The following PCDH9 variants were observed in gnomAD, a reference collection of about 807,000 sequenced individuals.
PCDH9 encodes protocadherin-9.
A neutral mutation model predicts 70.6 loss-of-function variants in PCDH9; 24 were observed. That is an observed-to-expected ratio of 0.34 (90% confidence interval 0.25 to 0.48). PCDH9 has a LOEUF of 0.48. Among genes scored for constraint, PCDH9 ranks in the 20% least tolerant of loss-of-function variants. The probability of loss-of-function intolerance (pLI) is 0.99; values close to 1 mark genes in which losing one functional copy is unlikely to be tolerated. For missense variants in PCDH9, 1,281 were observed against 1,503.6 expected, an observed-to-expected ratio of 0.85 and a Z score of 2.45; for synonymous variants, 562 against 558.5, an observed-to-expected ratio of 1.01 and a Z score of -0.09.
intron 3 of PCDH9, among the ~76,000 whole-genome samples, chr13:66,773,578 C>G (rs980110341): frequency 2.7e-5 from 4 of 149,066 alleles, no homozygotes; most frequent in Non-Finnish European, 5.9e-5. Context: ...TGCAGTGAGC[C>G]GAGATTGCGC....
At chr13:66,533,064 G>A (rs1330019799) in intron 4 of PCDH9, among the ~76,000 whole-genome samples, 1 of 152,134 alleles carries the variant, frequency 6.6e-6, no homozygotes, top group Non-Finnish European at 1.5e-5. Context: ...CCCACACTGG[G>A]TGGAACTCCG....
At chr13:66,896,782 G>A (rs537677816) in intron 3 of PCDH9, among the ~76,000 whole-genome samples, 3 of 152,178 alleles carry the variant, frequency 2.0e-5, no homozygotes, top group East Asian at 3.9e-4. Flanking sequence ...GTCTTAGATC[G>A]GAGCCAGGAA....
intron 4 of PCDH9, among the ~76,000 whole-genome samples, chr13:66,384,480 T>G (rs1234738420): frequency 6.6e-6 from 1 of 152,204 alleles, no homozygotes; most frequent in African/African-American, 2.4e-5. Context: ...CATAGTTATT[T>G]TAGCCAACTA....
intron 2 of PCDH9, among the ~76,000 whole-genome samples, chr13:67,183,289 A>C (rs73511403): frequency 0.02 from 2,977 of 152,224 alleles, 96 homozygotes; most frequent in African/African-American, 0.067. Flanking sequence ...AAAAAACACA[A>C]AACTAAGCAT....
chr13:66,889,256 C>T lies in PCDH9; in HGVS notation c.3138+14248G>A, dbSNP rs915733606. Among the ~76,000 whole-genome samples the T allele has an allele frequency of 2.6e-5, 4 of 152,176 alleles. No homozygotes were observed. The South Asian group carries it at 6.2e-4, about 24-fold the overall frequency. ...CCTCTGATCCGAGGCCAAAGCCACA[C>T]GAAGCAGTTATAGAATTTATTGGGT... On this transcript the variant is annotated intron_variant, in intron 3 of 4. Coordinates refer to ENST00000377865, the MANE Select transcript of PCDH9 (RefSeq NM_203487.3).
intron 2 of PCDH9, among the ~76,000 whole-genome samples, chr13:67,022,576 AC>A (rs1218119323): frequency 1.1e-4 from 17 of 152,242 alleles, no homozygotes; most frequent in Admixed American, 1.1e-3. Flanking sequence ...TTTCACAAGT[AC>A]CTGTTTAACT....
At chr13:66,801,527 A>T (rs1198447068) in intron 3 of PCDH9, among the ~76,000 whole-genome samples, 1 of 152,094 alleles carries the variant, frequency 6.6e-6, no homozygotes, top group Admixed American at 6.6e-5. Flanking sequence ...ATATTAATGA[A>T]TTACTCTTTG....
intron 2 of PCDH9, among the ~76,000 whole-genome samples, chr13:66,933,363 T>C (rs1186403825): frequency 1.3e-5 from 2 of 152,250 alleles, no homozygotes; most frequent in East Asian, 3.9e-4. Flanking sequence ...CTGAACAAGG[T>C]AAGTAAATGT....
intron 2 of PCDH9, among the ~76,000 whole-genome samples, chr13:67,078,080 G>C (rs575150142): frequency 1.2e-3 from 182 of 152,090 alleles, no homozygotes; most frequent in Admixed American, 8.4e-3. Context: ...TCCTGCAGAT[G>C]GCTGAGGTGT....
chr13:66,948,837 G>A (rs2083131986), intron 2 of PCDH9, among the ~76,000 whole-genome samples: 1 of 151,960 alleles, frequency 6.6e-6, no homozygotes, highest in African/African-American at 2.4e-5. Context: ...TCCTTAAATT[G>A]TTTTCCATTT....
intron 2 of PCDH9, among the ~76,000 whole-genome samples, chr13:66,904,748 C>T (rs1012770381): frequency 2.0e-5 from 3 of 151,704 alleles, no homozygotes; most frequent in Non-Finnish European, 2.9e-5. Flanking sequence ...ATTGTGTTCA[C>T]TCTATTTTCA....
At chr13:67,043,305 G>A (rs777099228) in intron 2 of PCDH9, among the ~76,000 whole-genome samples, 3 of 152,158 alleles carry the variant, frequency 2.0e-5, no homozygotes, top group Non-Finnish European at 4.4e-5. Context: ...AACAATCCAT[G>A]TAAAGAGTGA....
chr13:66,443,246 TG>T (rs773098166), intron 4 of PCDH9, among the ~76,000 whole-genome samples: 53 of 152,186 alleles, frequency 3.5e-4, no homozygotes, highest in Non-Finnish European at 5.4e-4. Context: ...CATTCATCTC[TG>T]GGACAACAAG....
At chr13:66,584,516 C>T (rs184811082) in intron 4 of PCDH9, among the ~76,000 whole-genome samples, 9 of 152,160 alleles carry the variant, frequency 5.9e-5, no homozygotes, top group Admixed American at 5.9e-4. Context: ...CCGTGCAATC[C>T]TTAAATAAGT....
chr13:66,705,271 A>G (rs1396060248), intron 3 of PCDH9, among the ~76,000 whole-genome samples: 2 of 152,226 alleles, frequency 1.3e-5, no homozygotes, highest in Non-Finnish European at 2.9e-5. Flanking sequence ...TGAAGAACAA[A>G]GGAAAATATG....
chr13:67,044,620 T>C (rs2085187512), intron 2 of PCDH9, among the ~76,000 whole-genome samples: 1 of 152,196 alleles, frequency 6.6e-6, no homozygotes, highest in Non-Finnish European at 1.5e-5. Flanking sequence ...ATAAATGAAA[T>C]GGCAGATGTT....
At chr13:66,486,369 A>C (rs1310610671) in intron 4 of PCDH9, among the ~76,000 whole-genome samples, 4 of 151,988 alleles carry the variant, frequency 2.6e-5, no homozygotes, top group Non-Finnish European at 5.9e-5. Flanking sequence ...AAGTGGAAGG[A>C]TTGCTTGAGC....
intron 2 of PCDH9, among the ~76,000 whole-genome samples, chr13:67,052,497 G>A (rs866200729): frequency 3.3e-5 from 5 of 151,920 alleles, no homozygotes; most frequent in Admixed American, 6.6e-5. Context: ...AAAAATCCAC[G>A]GGAAGTTTTA....
intron 2 of PCDH9, among the ~76,000 whole-genome samples, chr13:67,039,547 A>G (rs987604574): frequency 3.3e-5 from 5 of 152,152 alleles, no homozygotes; most frequent in African/African-American, 9.7e-5. Context: ...CAGTTGACTC[A>G]CAATACACCT....
Sources: allele counts gnomAD v4.1 joint callset (sites outside exome capture counted in the v4.1 genomes callset), GRCh38; gene constraint gnomAD v4.1.1; transcripts MANE v1.5; gene names NCBI Gene and HGNC (gene_info 2026-07-23, HGNC 2026-07-21).